Variants in PTPRH observed in about 807,000 individuals in gnomAD.
PTPRH encodes receptor-type tyrosine-protein phosphatase H.
A neutral mutation model predicts 130.2 loss-of-function variants in PTPRH; 113 were observed. The ratio of observed to expected loss-of-function variants is 0.87; its 90% CI spans 0.75 to 1.01. The LOEUF is 1.01. PTPRH is among the 50% of genes least tolerant of loss of function. The pLI is 0.00. For synonymous variants in PTPRH, 556 were observed against 577.9 expected (o/e 0.96, Z 0.54); for missense variants, 1,430 against 1,425.0 (o/e 1.00, Z -0.06).
At chr19:55,182,262 A>C (rs1377897859) in intron 18 of PTPRH, 111 bp from the exon 19 acceptor site, 2 of 1,292,220 alleles carry the variant, frequency 1.5e-6, no homozygotes, top group Non-Finnish European at 2.1e-6. Context: ...ATGCCTGCTC[A>C]CACCTGTAAT....
intron 10 of PTPRH, among the ~76,000 whole-genome samples, chr19:55,195,495 C>CAAAACA (rs1247061547): frequency 6.6e-6 from 1 of 151,996 alleles, no homozygotes; most frequent in Admixed American, 6.6e-5. Context: ...GAGTGAGTCT[C>CAAAACA]AAAACAAAAA....
Position 55,204,198 on chromosome 19 carries a change from C to T in PTPRH, c.620-150G>A, listed in dbSNP as rs570662728. On this transcript the variant is annotated intron_variant, in intron 4 of 19. Coordinates refer to ENST00000376350, the MANE Select transcript of PTPRH (RefSeq NM_002842.5). ...GCAGTGGCACGATCTCGGCTCACCA[C>T]AGCCTCCGCCGTCCGGGTTCAAGCG... 6.9e-6 allele frequency: 6 copies of T among 873,788 alleles called. No individual in the cohort carries two copies. The East Asian group carries it at 1.6e-4, about 23-fold the overall frequency. The allele number at this position is 873,788 out of a possible 1,614,324, so 54.1% of individuals were successfully genotyped here.
intron 12 of PTPRH, among the ~76,000 whole-genome samples, chr19:55,190,572 T>A (rs956524841): frequency 5.0e-4 from 67 of 134,806 alleles, no homozygotes; most frequent in Non-Finnish European, 9.8e-4. Context: ...ATATAACATA[T>A]AATATATTAT....
At chr19:55,192,325 C>T (rs1441539373) in intron 10 of PTPRH, among the ~76,000 whole-genome samples, 1 of 151,694 alleles carries the variant, frequency 6.6e-6, no homozygotes, top group African/African-American at 2.4e-5. Flanking sequence ...TGGCGTGAAC[C>T]CGGGAGGTGG....
chr19:55,191,422 C>G, intron 12 of PTPRH, 79 bp downstream of exon 12: 2 of 1,531,902 alleles, frequency 1.3e-6, no homozygotes, highest in Non-Finnish European at 1.8e-6. Flanking sequence ...GATCCACCCT[C>G]TGACCTAGCT....
chr19:55,192,124 C>T (rs1430174723), intron 10 of PTPRH: 9 of 373,252 alleles, frequency 2.4e-5, no homozygotes, highest in South Asian at 1.0e-4. Flanking sequence ...ATAGTACGGC[C>T]GGGCGCGGTG....
At chr19:55,190,629 T>G (rs2086508010) in intron 12 of PTPRH, among the ~76,000 whole-genome samples, 1 of 137,152 alleles carries the variant, frequency 7.3e-6, no homozygotes. Flanking sequence ...ATAAATTATA[T>G]ATATATATAA....
rs752816726 is a variant in PTPRH at position 55,200,371 on chromosome 19, C to T, written c.1285G>A (p.Gly429Ser). The T allele has an allele frequency of 1.1e-4, 184 of 1,614,026 alleles. No individual in the cohort carries two copies. Among genetic ancestry groups the T allele is most frequent in the Non-Finnish European group, 1.5e-4 (175 of 1,180,046 alleles). Residue 429 changes from glycine to serine, a missense_variant, in exon 7 of 20, where the codon GGC (glycine) becomes AGC (serine). Physicochemically the swap from Gly to Ser is moderately conservative, Grantham distance 56. Coordinates refer to ENST00000376350, the MANE Select transcript of PTPRH (RefSeq NM_002842.5). ...TTTGTTGTGTTTCGGGTCTCTGTGC[C>T]ACCACCGTCTCCAGTGTACTCTACC... ...YWVEYTGDGG[G>S]TETRNTTNTS...
chr19:55,195,915 G>C (rs2086666812), intron 10 of PTPRH, among the ~76,000 whole-genome samples: 1 of 152,046 alleles, frequency 6.6e-6, no homozygotes, highest in Non-Finnish European at 1.5e-5. Flanking sequence ...CAAATCTATA[G>C]AGATTGAAAG....
chr19:55,208,165 G>C (rs2087129659), intron 1 of PTPRH, among the ~76,000 whole-genome samples: 1 of 75,954 alleles, frequency 1.3e-5, no homozygotes, highest in Admixed American at 1.1e-4. Flanking sequence ...AGGGGCTGGG[G>C]GTCTCGACCT....
At position 55,185,679 on chromosome 19, in the gene PTPRH, C is replaced by T; in HGVS notation, c.2902-17G>A. 1 of 1,612,690 alleles carries T rather than the reference C, an allele frequency of 6.2e-7. No homozygotes were observed. Among genetic ancestry groups the T allele is most frequent in the East Asian group, 2.2e-5 (1 of 44,850 alleles). The stretch of plus-strand genomic sequence containing the variant: ...CTCCTCCACCTGGAAGGAGGGAGCA[C>T]TCACAGGCTCTGGAGATGAATGTAG... On this transcript the variant is annotated splice_polypyrimidine_tract_variant and intron_variant, in intron 17 of 19. Transcript: ENST00000376350.
chr19:55,185,421 C>T (rs750167312), intron 18 of PTPRH, 81 bp downstream of exon 18: 99 of 1,503,196 alleles, frequency 6.6e-5, no homozygotes, highest in Non-Finnish European at 8.7e-5. Context: ...CCTGTACGTT[C>T]CCAGGGTCCC....
chr19:55,198,559 T>A lies in PTPRH; in HGVS notation c.1690+84A>T. 2.9e-6 allele frequency: 4 copies of A among 1,399,770 alleles called. No homozygotes were observed. In the South Asian group the frequency reaches 6.5e-5, roughly 23 times the overall value. The allele number at this position is 1,399,770 out of a possible 1,614,324, so 86.7% of individuals were successfully genotyped here. ...TGGAGAGGCCCATGGGTACTCTTCA[T>A]CTCCCAAGGAGCTCCCAAAGTCCTT... On this transcript the variant is annotated intron_variant, in intron 8 of 19. Transcript: ENST00000376350.
In PTPRH at chr19:55,182,166, G is replaced by A; in HGVS notation, c.3063-15C>T. The A allele has an allele frequency of 6.2e-7, 1 of 1,612,206 alleles. No homozygotes were observed. Among genetic ancestry groups the A allele is most frequent in the Non-Finnish European group, 8.5e-7 (1 of 1,179,710 alleles). Reference sequence around the variant, plus strand: ...CCACGCCAGCACTAGGCAGAACAAGGGAAGGGTCAGACCAAGGGGCAGGAG... The same window carrying A: ...CCACGCCAGCACTAGGCAGAACAAGAGAAGGGTCAGACCAAGGGGCAGGAG... On this transcript the variant is annotated splice_polypyrimidine_tract_variant and intron_variant, in intron 18 of 19. Coordinates refer to ENST00000376350, the MANE Select transcript of PTPRH (RefSeq NM_002842.5).
In PTPRH at chr19:55,185,952, C is replaced by A. The variant is rs776254359; in HGVS notation, c.2811G>T (p.Ser937=). The stretch of plus-strand genomic sequence containing the variant: ...GCAGGTGCCCATGGGTGCAGGGCTG[C>A]GAGTCCAGAGGCCAGTAATGCTCAC... The part of the protein sequence containing the change: ...VKCEHYWPLD[S]QPCTHGHLRV... Residue 937 remains serine, a synonymous_variant, in exon 17 of 20, where the codon TCG becomes TCT. Coordinates refer to ENST00000376350, the MANE Select transcript of PTPRH (RefSeq NM_002842.5). The A allele has an allele frequency of 1.2e-6, 2 of 1,613,850 alleles. No individual in the cohort carries two copies. Among genetic ancestry groups the A allele is most frequent in the African/African-American group, 2.7e-5 (2 of 74,878 alleles).
chr19:55,191,521 T>C lies in PTPRH; in HGVS notation c.2364A>G (p.Glu788=). 5 of 1,614,112 alleles carry C rather than the reference T, an allele frequency of 3.1e-6. No homozygotes were observed. The highest frequency in any genetic ancestry group is 4.2e-6 in the Non-Finnish European group (5 of 1,180,004). The stretch of plus-strand genomic sequence containing the variant: ...CTCACCTAAAGACCAGATCCCTGAG[T>C]TCTGGTTTCTGCTGCTTCTTCTTAT... ...RRNKKKQQKP[E]LRDLVFSSPG... The change falls in exon 12 of 20, where the codon GAA becomes GAG. Residue 788 remains glutamate, a synonymous_variant. Coordinates refer to ENST00000376350, the MANE Select transcript of PTPRH (RefSeq NM_002842.5).
chr19:55,208,930 T>TG (rs1425265815), intron 1 of PTPRH, among the ~76,000 whole-genome samples: 26 of 35,830 alleles, frequency 7.3e-4, no homozygotes, highest in African/African-American at 9.1e-4. Flanking sequence ...GAGGAGGGGC[T>TG]GGGGTCTGGA....
Position 55,201,988 on chromosome 19 carries a change from G to A in PTPRH, c.1153+68C>T, listed in dbSNP as rs1406605144. 51 of 1,583,160 alleles carry A rather than the reference G, an allele frequency of 3.2e-5. No individual in the cohort carries two copies. The South Asian group carries it at 3.8e-4, about 12-fold the overall frequency. The stretch of plus-strand genomic sequence containing the variant: ...CAGAGGGACTATGGAATAGACAATC[G>A]TCTACATTCTACTGCTTACTGTCCC... On this transcript the variant is annotated intron_variant, in intron 6 of 19. Coordinates refer to ENST00000376350, the MANE Select transcript of PTPRH (RefSeq NM_002842.5).
rs369140474 is a variant in PTPRH at position 55,198,853 on chromosome 19, G to A, written c.1480C>T (p.Arg494Cys). Residue 494 changes from arginine (R) to cysteine (C), a missense_variant, in exon 8 of 20, where the codon CGC (arginine) becomes TGC (cysteine). Transcript: ENST00000376350. ...QDWTNSTIAL[R>C]WTAPQGPGQS... ...CCTGGGCCCTGGGGAGCTGTCCAGC[G>A]CAAAGCAATGGTGCTGTTGGTCCAG... The A allele has an allele frequency of 9.1e-5, 143 of 1,578,288 alleles. 1 individual carries two copies. The highest frequency in any genetic ancestry group is 1.8e-4 in the African/African-American group (13 of 73,986).
Sources: gnomAD v4.1 joint callset for allele counts (sites outside exome capture counted in the v4.1 genomes callset) on GRCh38, gnomAD v4.1.1 for gene constraint, MANE v1.5 for transcripts, NCBI Gene and HGNC (gene_info 2026-07-23, HGNC 2026-07-21) for gene names.